SULF2: variants seen among roughly 807,000 people sequenced by gnomAD.
SULF2 encodes the protein extracellular sulfatase Sulf-2.
A neutral mutation model predicts 107.7 loss-of-function variants in SULF2; 52 were observed. That is an observed-to-expected ratio of 0.48 (90% CI 0.39 to 0.61). The LOEUF (loss-of-function observed/expected upper bound fraction) is 0.61, where lower values mean the gene tolerates loss of function less well. Among genes scored for constraint, SULF2 ranks in the 20% least tolerant of loss-of-function variants. SULF2 has a pLI of 0.00. For synonymous variants in SULF2, 460 were observed against 464.3 expected, an observed-to-expected ratio of 0.99 and a Z score of 0.12; for missense variants, 993 against 1,177.3, an observed-to-expected ratio of 0.84 and a Z score of 2.29.
At chr20:47,785,678 C>T (rs922115514), upstream of SULF2, among the ~76,000 whole-genome samples, 8 of 147,054 alleles carry the variant, frequency 5.4e-5, no homozygotes, top group East Asian at 1.2e-3. Context: ...GGCGCTACCG[C>T]CCCCCGCTCG....
intron 4 of SULF2, among the ~76,000 whole-genome samples, chr20:47,700,652 T>C (rs976900617): frequency 1.3e-5 from 2 of 149,830 alleles, no homozygotes; most frequent in African/African-American, 4.9e-5. Flanking sequence ...TTTTTTTTTT[T>C]TTTTCTTTTT....
chr20:47,764,291 G>A (rs2090480367), intron 1 of SULF2, among the ~76,000 whole-genome samples: 1 of 152,226 alleles, frequency 6.6e-6, no homozygotes, highest in African/African-American at 2.4e-5. Context: ...ACAGGTTTTT[G>A]TCATTTTTGT....
At chr20:47,775,827 G>A (rs2090714695) in intron 1 of SULF2, among the ~76,000 whole-genome samples, 1 of 152,088 alleles carries the variant, frequency 6.6e-6, no homozygotes, top group Admixed American at 6.6e-5. Flanking sequence ...ATGAAATGCT[G>A]GGCAAAAAGT....
In SULF2 at chr20:47,755,529, G is replaced by A. The variant is rs113234984; in HGVS notation, c.175+1660C>T. Among the ~76,000 whole-genome samples, 388 of 152,174 alleles carry A rather than the reference G, an allele frequency of 2.5e-3. 2 individuals carry two copies. Among genetic ancestry groups the A allele is most frequent in the African/African-American group, 8.8e-3 (367 of 41,540 alleles). ...CAAATCTAGCGGCTGCCCTTGAAAC[G>A]TATCTTTTCCATAACCCACATACCT... On this transcript the variant is annotated intron_variant, in intron 2 of 20. Coordinates refer to ENST00000688720, the MANE Select transcript of SULF2 (RefSeq NM_001387048.1).
chr20:47,776,444 G>A (rs2090726808), intron 1 of SULF2, among the ~76,000 whole-genome samples: 1 of 152,178 alleles, frequency 6.6e-6, no homozygotes, highest in South Asian at 2.1e-4. Context: ...ATTCACAGGA[G>A]CGCGCACTTA....
intron 2 of SULF2, among the ~76,000 whole-genome samples, chr20:47,751,823 T>C (rs1205204552): frequency 6.6e-6 from 1 of 152,204 alleles, no homozygotes; most frequent in African/African-American, 2.4e-5. Flanking sequence ...TAACACCCAG[T>C]GGAAGGCTGG....
At chr20:47,746,987 AAAAAAAAAT>A (rs2090052800) in intron 2 of SULF2, among the ~76,000 whole-genome samples, 6 of 54,502 alleles carry the variant, frequency 1.1e-4, no homozygotes, top group African/African-American at 4.8e-4. Context: ...ATAAATAAAA[AAAAAAAAAT>A]ATATATATAT....
At chr20:47,718,565 A>G (rs1470603650) in intron 3 of SULF2, among the ~76,000 whole-genome samples, 1 of 152,168 alleles carries the variant, frequency 6.6e-6, no homozygotes, top group African/African-American at 2.4e-5. Context: ...CATTCAGGAG[A>G]CAGACTGTGA....
In SULF2 at chr20:47,657,552, C is replaced by T. The variant is rs1040431123; in HGVS notation, c.*810G>A. On this transcript the variant is annotated 3_prime_UTR_variant, in exon 21 of 21. Coordinates refer to ENST00000688720, the MANE Select transcript of SULF2 (RefSeq NM_001387048.1). ...TTTCATCAAAACTTGGGACATACATCAACTTCATTTCTTTTCAGTACCTTA... is the reference window on the plus strand; with the variant it reads ...TTTCATCAAAACTTGGGACATACATTAACTTCATTTCTTTTCAGTACCTTA... 1.3e-5 allele frequency: 2 copies of T among 152,106 alleles called. No homozygotes were observed. The highest frequency in any genetic ancestry group is 1.3e-4 in the Admixed American group (2 of 15,276). 9.4% of individuals were successfully genotyped at this position (152,106 alleles called of 1,614,324 possible).
chr20:47,665,186 G>C lies in SULF2; in HGVS notation c.1997+13C>G. On this transcript the variant is annotated intron_variant, in intron 14 of 20. Transcript: ENST00000688720. ...AGTGGGGTCTTAGGGAGGTCCCTTT[G>C]CTACTGCCTCACCTGATTTTGTGAC... is the stretch of plus-strand genomic sequence containing the variant. 6.3e-7 allele frequency: 1 copy of C among 1,596,474 alleles called. No homozygotes were observed. Among genetic ancestry groups the C allele is most frequent in the Non-Finnish European group, 8.6e-7 (1 of 1,163,854 alleles).
At chr20:47,780,100 C>T (rs4810686) in intron 1 of SULF2, among the ~76,000 whole-genome samples, 93,407 of 148,744 alleles carry the variant, frequency 0.63, 29,919 homozygotes, top group East Asian at 0.89. Flanking sequence ...CACAGCAACC[C>T]CTGCCTCCCG....
chr20:47,706,195 G>A (rs1212005123), intron 3 of SULF2, among the ~76,000 whole-genome samples: 1 of 152,128 alleles, frequency 6.6e-6, no homozygotes, highest in African/African-American at 2.4e-5. Context: ...GAGCCAGGAA[G>A]GCCCCTGGAG....
chr20:47,764,578 AG>A (rs746033695), intron 1 of SULF2, among the ~76,000 whole-genome samples: 26 of 152,292 alleles, frequency 1.7e-4, no homozygotes, highest in Non-Finnish European at 3.1e-4. Context: ...AATAAGCGAG[AG>A]GGAGTCCTGG....
rs1209687625 is a variant in SULF2 at position 47,665,304 on chromosome 20, G to A, written c.1903-11C>T. 1 of 1,574,300 alleles carries A rather than the reference G, an allele frequency of 6.4e-7. No individual in the cohort carries two copies. Among genetic ancestry groups the A allele is most frequent in the South Asian group, 1.1e-5 (1 of 90,292 alleles). ...CTGCAGGGTTTCAATCTGAGGGAGGGGCAGAAGAGGAGGCCTTGAAACCTT... is the reference window on the plus strand; with the variant it reads ...CTGCAGGGTTTCAATCTGAGGGAGGAGCAGAAGAGGAGGCCTTGAAACCTT... On this transcript the variant is annotated splice_polypyrimidine_tract_variant and intron_variant, in intron 13 of 20. Transcript: ENST00000688720.
At chr20:47,692,424 T>A (rs1363177339) in intron 4 of SULF2, among the ~76,000 whole-genome samples, 2 of 152,120 alleles carry the variant, frequency 1.3e-5, no homozygotes, top group Non-Finnish European at 2.9e-5. Flanking sequence ...TACACACACA[T>A]ACATATTAGA....
intron 18 of SULF2, among the ~76,000 whole-genome samples, chr20:47,660,851 A>G (rs2087041854): frequency 6.6e-6 from 1 of 151,816 alleles, no homozygotes; most frequent in African/African-American, 2.4e-5. Flanking sequence ...CCCAAACAAA[A>G]CTCAGGATTT....
At chr20:47,712,136 A>G (rs1377461776) in intron 3 of SULF2, among the ~76,000 whole-genome samples, 1 of 152,224 alleles carries the variant, frequency 6.6e-6, no homozygotes, top group Admixed American at 6.5e-5. Flanking sequence ...CTCACAGCCA[A>G]CTTCCAACTG....
At chr20:47,674,621 C>T (rs894606312) in intron 10 of SULF2, among the ~76,000 whole-genome samples, 3 of 152,150 alleles carry the variant, frequency 2.0e-5, no homozygotes, top group East Asian at 1.9e-4. Context: ...CCCGTGTCAC[C>T]GGGAGACAGA....
rs1348285665 is a variant in SULF2, at chr20:47,663,711, G to A, written c.2058-89C>T. 23 of 1,413,500 alleles carry A rather than the reference G, an allele frequency of 1.6e-5. No homozygotes were observed. The African/African-American group carries it at 2.0e-4, about 12-fold the overall frequency. 87.6% of individuals were successfully genotyped at this position (1,413,500 alleles called of 1,614,324 possible). ...CTCTTCCTGTCCACCTAAGGGCTTC[G>A]CTGAGGCTTCTCCAACAGAGAGCCA... On this transcript the variant is annotated intron_variant, in intron 15 of 20. Transcript: ENST00000688720.
Sources: gnomAD v4.1 joint callset for allele counts (sites outside exome capture counted in the v4.1 genomes callset) on GRCh38, gnomAD v4.1.1 for gene constraint, MANE v1.5 for transcripts, NCBI Gene and HGNC (gene_info 2026-07-23, HGNC 2026-07-21) for gene names.